STK31: variants seen among roughly 807,000 people sequenced by gnomAD.
STK31 encodes serine/threonine-protein kinase 31.
STK31 carries 89 observed loss-of-function variants against 129.7 expected under a neutral mutation model. The observed-to-expected ratio is 0.69, with a 90% CI of 0.58 to 0.82. The LOEUF (loss-of-function observed/expected upper bound fraction) is 0.82, where lower values mean the gene tolerates loss of function less well. Among genes scored for constraint, STK31 ranks in the 40% least tolerant of loss-of-function variants. The pLI is 0.00. For synonymous variants in STK31, 448 were observed against 395.3 expected (o/e 1.13, Z -1.58); for missense variants, 1,187 against 1,176.4 (o/e 1.01, Z -0.13).
intron 8 of STK31, among the ~76,000 whole-genome samples, chr7:23,738,435 T>C (rs1787849729): frequency 6.6e-6 from 1 of 152,176 alleles, no homozygotes; most frequent in South Asian, 2.1e-4. Flanking sequence ...TTGCTTAGGC[T>C]GGAGTGCAGT....
At position 23,808,538 on chromosome 7, in the gene STK31, T is replaced by C. The variant is rs935407948; in HGVS notation, c.2761-6606T>C. On this transcript the variant is annotated intron_variant, in intron 22 of 23. Coordinates refer to ENST00000355870, the MANE Select transcript of STK31 (RefSeq NM_031414.5). ...GCTGACTCGTACTACTTCACACTGC[T>C]TTGTTTCACTTTTTTTGGCTGCTGG... Among the ~76,000 whole-genome samples the C allele has an allele frequency of 6.6e-5, 10 of 152,262 alleles. No homozygotes were observed. In the East Asian group the frequency reaches 1.9e-3, roughly 30 times the overall value.
intron 4 of STK31, among the ~76,000 whole-genome samples, chr7:23,718,209 A>G (rs1584319748): frequency 6.6e-6 from 1 of 152,214 alleles, no homozygotes; most frequent in East Asian, 1.9e-4. Flanking sequence ...TCTGCCATGT[A>G]CCTGGCACTG....
At chr7:23,730,878 A>ATATATATATATATATATATATATATTTT in intron 6 of STK31, among the ~76,000 whole-genome samples, 6 of 59,536 alleles carry the variant, frequency 1.0e-4, no homozygotes, top group African/African-American at 1.7e-4. Flanking sequence ...ATATATATAT[A>ATATATATATATATATATATATATATTTT]TTTTTTTTTT....
chr7:23,761,551 G>A (rs1447799676), intron 10 of STK31, among the ~76,000 whole-genome samples: 2 of 151,416 alleles, frequency 1.3e-5, no homozygotes, highest in East Asian at 3.9e-4. Context: ...CTCCCGAGTT[G>A]CTGGGACTAC....
At chr7:23,730,870 A>ATTTTT (rs1263694532) in intron 6 of STK31, among the ~76,000 whole-genome samples, 4 of 45,288 alleles carry the variant, frequency 8.8e-5, no homozygotes, top group Admixed American at 3.8e-4. Flanking sequence ...ATATATATAT[A>ATTTTT]TATATATATT....
intron 15 of STK31, among the ~76,000 whole-genome samples, chr7:23,776,325 G>T (rs4722271): frequency 6.6e-6 from 1 of 152,228 alleles, no homozygotes; most frequent in African/African-American, 2.4e-5. Context: ...GTTTTTGTAC[G>T]AGGATGATGC....
intron 22 of STK31, among the ~76,000 whole-genome samples, chr7:23,792,444 C>T (rs1403743691): frequency 6.6e-6 from 1 of 152,036 alleles, no homozygotes; most frequent in African/African-American, 2.4e-5. Flanking sequence ...AACTACAAAG[C>T]ATTGTTCAGA....
chr7:23,799,144 G>C (rs747592594), intron 22 of STK31, among the ~76,000 whole-genome samples: 3 of 152,116 alleles, frequency 2.0e-5, no homozygotes, highest in Non-Finnish European at 4.4e-5. Flanking sequence ...GGGAGAATCA[G>C]TATCATGAAA....
intron 23 of STK31, among the ~76,000 whole-genome samples, chr7:23,830,360 C>T (rs958249579): frequency 2.0e-5 from 3 of 151,868 alleles, no homozygotes; most frequent in Non-Finnish European, 4.4e-5. Context: ...TAATCTTACT[C>T]CTTTTTTGAT....
rs185479520 is a variant in STK31 at position 23,774,575 on chromosome 7, G to A, written c.1965+2297G>A. On this transcript the variant is annotated intron_variant, in intron 15 of 23. Coordinates refer to ENST00000355870, the MANE Select transcript of STK31 (RefSeq NM_031414.5). ...TCATGTGTCTGTTGGCTGCATAAAT[G>A]TCTTCTTTTGAGAAGTGTCTGTTCA... Among the ~76,000 whole-genome samples, 304 of 152,296 alleles carry A rather than the reference G, an allele frequency of 2.0e-3. 1 individual carries two copies. Among genetic ancestry groups the A allele is most frequent in the African/African-American group, 6.9e-3 (285 of 41,572 alleles).
rs551176291 is a variant in STK31, at chr7:23,756,225, T to C, written c.1293+1751T>C. On this transcript the variant is annotated intron_variant, in intron 10 of 23. Coordinates refer to ENST00000355870, the MANE Select transcript of STK31 (RefSeq NM_031414.5). ...GAGGTCCTTCACATCCCTTATTAGC[T>C]GTATTCCTAGGTATTTTATTCTGTT... 5.9e-5 allele frequency among the ~76,000 whole-genome samples: 9 copies of C among 152,318 alleles called. No homozygotes were observed. In the East Asian group the frequency reaches 1.4e-3, roughly 23 times the overall value.
In STK31 at chr7:23,710,243, C is replaced by T. The variant is rs367622084; in HGVS notation, c.-43C>T. 6.8e-6 allele frequency: 11 copies of T among 1,609,842 alleles called. No individual in the cohort carries two copies. The highest frequency in any genetic ancestry group is 1.9e-4 in the Middle Eastern group (1 of 5,190). On this transcript the variant is annotated 5_prime_UTR_variant, in exon 1 of 24. Transcript: ENST00000355870. ...TGCGGTCGAAGCTCACGCGGTAAGC[C>T]GCTGCACGTGTGCTACGGCGGGCGG...
At chr7:23,810,854 A>G (rs915700757) in intron 22 of STK31, among the ~76,000 whole-genome samples, 1 of 141,584 alleles carries the variant, frequency 7.1e-6, no homozygotes, top group African/African-American at 2.6e-5. Flanking sequence ...ATAAATATGT[A>G]TAAATATATA....
chr7:23,828,494 C>T (rs537637804), intron 23 of STK31, among the ~76,000 whole-genome samples: 12 of 152,366 alleles, frequency 7.9e-5, no homozygotes, highest in African/African-American at 2.6e-4. Context: ...CCATCTGTCG[C>T]CCCTTTCTTT....
At chr7:23,753,149 G>A (rs1788821831) in intron 9 of STK31, among the ~76,000 whole-genome samples, 1 of 152,166 alleles carries the variant, frequency 6.6e-6, no homozygotes, top group Non-Finnish European at 1.5e-5. Context: ...TTATTTTCAG[G>A]AGTACAGCAT....
intron 3 of STK31, among the ~76,000 whole-genome samples, chr7:23,715,221 T>C (rs550874538): frequency 7.9e-5 from 12 of 152,142 alleles, no homozygotes; most frequent in Admixed American, 7.9e-4. Context: ...TTTTTTGCCC[T>C]GTGGGCTTCT....
intron 17 of STK31, 56 bp from the exon 18 acceptor site, chr7:23,785,422 T>G: frequency 1.9e-6 from 3 of 1,586,304 alleles, no homozygotes; most frequent in Non-Finnish European, 2.6e-6. Context: ...ATTTTGATGA[T>G]TTTTAAGTGC....
At chr7:23,787,174 T>C (rs1470423901) in intron 20 of STK31, among the ~76,000 whole-genome samples, 1 of 152,214 alleles carries the variant, frequency 6.6e-6, no homozygotes, top group Non-Finnish European at 1.5e-5. Context: ...ATTAAGTCTT[T>C]CTGGTTCCAA....
intron 23 of STK31, among the ~76,000 whole-genome samples, chr7:23,823,011 G>T (rs1415459121): frequency 1.3e-5 from 2 of 152,128 alleles, no homozygotes; most frequent in Non-Finnish European, 1.5e-5. Context: ...GGACATTTGG[G>T]TTGGTTTCAA....
Sources: allele counts gnomAD v4.1 joint callset (sites outside exome capture counted in the v4.1 genomes callset), GRCh38; gene constraint gnomAD v4.1.1; transcripts MANE v1.5; gene names NCBI Gene and HGNC (gene_info 2026-07-23, HGNC 2026-07-21).